Variants in KLHL29 observed in about 807,000 individuals in gnomAD.
KLHL29 encodes kelch-like protein 29.
A neutral mutation model predicts 80.4 loss-of-function variants in KLHL29; 21 were observed. The observed-to-expected ratio is 0.26, with a 90% CI of 0.19 to 0.38. KLHL29 has a LOEUF of 0.38. Among genes scored for constraint, KLHL29 ranks in the 10% least tolerant of loss-of-function variants. The pLI, the probability that KLHL29 is intolerant of heterozygous loss-of-function variation, is 1.00. For missense variants in KLHL29, 867 were observed against 1,223.9 expected (o/e 0.71, Z 4.35); for synonymous variants, 511 against 526.8 (o/e 0.97, Z 0.41).
intron 5 of KLHL29, among the ~76,000 whole-genome samples, chr2:23,683,346 C>T (rs1196781450): frequency 2.0e-5 from 3 of 152,226 alleles, no homozygotes; most frequent in African/African-American, 7.2e-5. Flanking sequence ...CTCTGACGCG[C>T]AGCTGCCAGC....
At chr2:23,534,052 A>G (rs1190062153) in intron 2 of KLHL29, among the ~76,000 whole-genome samples, 1 of 152,066 alleles carries the variant, frequency 6.6e-6, no homozygotes, top group East Asian at 1.9e-4. Flanking sequence ...GGACCCGCCA[A>G]TAGTTGAAAG....
At chr2:23,630,402 A>G (rs1049502045) in intron 3 of KLHL29, among the ~76,000 whole-genome samples, 5 of 152,348 alleles carry the variant, frequency 3.3e-5, no homozygotes, top group African/African-American at 1.2e-4. Context: ...CATTCCTGCC[A>G]TCCCAGAGCA....
intron 1 of KLHL29, among the ~76,000 whole-genome samples, chr2:23,399,042 C>T (rs1666525814): frequency 6.6e-6 from 1 of 152,160 alleles, no homozygotes; most frequent in Admixed American, 6.5e-5. Context: ...ATTATGGAGG[C>T]CATGGAGCGC....
At chr2:23,495,567 G>A (rs866109173) in intron 2 of KLHL29, among the ~76,000 whole-genome samples, 2 of 152,126 alleles carry the variant, frequency 1.3e-5, no homozygotes, top group Non-Finnish European at 2.9e-5. Context: ...CCTGGGACTC[G>A]GGACATTCTC....
chr2:23,452,686 C>T (rs1348781224), intron 1 of KLHL29, among the ~76,000 whole-genome samples: 2 of 152,206 alleles, frequency 1.3e-5, no homozygotes, highest in Admixed American at 1.3e-4. Context: ...CTAGAAGTAT[C>T]TCTTATATAC....
intron 2 of KLHL29, among the ~76,000 whole-genome samples, chr2:23,505,532 C>G (rs2103457875): frequency 6.6e-6 from 1 of 152,328 alleles, no homozygotes; most frequent in East Asian, 1.9e-4. Flanking sequence ...AAGGTGGACT[C>G]TGGTTAGGTT....
intron 1 of KLHL29, among the ~76,000 whole-genome samples, chr2:23,404,374 T>C (rs1666674822): frequency 6.6e-6 from 1 of 152,230 alleles, no homozygotes; most frequent in South Asian, 2.1e-4. Context: ...CTTGCATTGC[T>C]AAGTTAGACA....
In KLHL29 at chr2:23,697,242, G is replaced by C. The variant is rs940332585; in HGVS notation, c.2105+729G>C. The C allele has an allele frequency of 8.3e-4, 127 of 152,352 alleles. 1 individual carries two copies. The highest frequency in any genetic ancestry group is 3.0e-3 in the African/African-American group (124 of 41,572). 9.4% of individuals were successfully genotyped at this position (152,352 alleles called of 1,614,324 possible). On this transcript the variant is annotated intron_variant, in intron 11 of 13. Transcript: ENST00000486442. ...GGCGTGGGCTGAAGTGGGTGCTTCCGGATGAGAATACAAAATCCTTTTCCC... is the reference window on the plus strand; with the variant it reads ...GGCGTGGGCTGAAGTGGGTGCTTCCCGATGAGAATACAAAATCCTTTTCCC...
chr2:23,641,619 C>T (rs151079361), intron 4 of KLHL29, among the ~76,000 whole-genome samples: 40 of 152,358 alleles, frequency 2.6e-4, no homozygotes, highest in African/African-American at 8.9e-4. Flanking sequence ...ACATCTTCCT[C>T]ATTCTGTTCT....
intron 5 of KLHL29, among the ~76,000 whole-genome samples, chr2:23,658,854 C>G (rs1254514485): frequency 6.6e-6 from 1 of 152,218 alleles, no homozygotes; most frequent in Admixed American, 6.5e-5. Flanking sequence ...GGAACCAGGT[C>G]TCCTCAGGAG....
At chr2:23,699,206 G>T (rs1672200013) in intron 11 of KLHL29, among the ~76,000 whole-genome samples, 1 of 152,190 alleles carries the variant, frequency 6.6e-6, no homozygotes, top group Non-Finnish European at 1.5e-5. Flanking sequence ...TGGGCTCTGG[G>T]CTGTGACTGA....
chr2:23,636,452 A>G lies in KLHL29; in HGVS notation c.286-2687A>G, dbSNP rs968917273. The stretch of plus-strand genomic sequence containing the variant: ...ACCACAGAGCTGCTTTCTTATACAT[A>G]AGAAATTGCTTGTAGTATTCATGAA... On this transcript the variant is annotated intron_variant, in intron 3 of 13. Transcript: ENST00000486442. 7.9e-5 allele frequency among the ~76,000 whole-genome samples: 12 copies of G among 151,960 alleles called. No homozygotes were observed. The South Asian group carries it at 2.3e-3, about 29-fold the overall frequency.
At chr2:23,602,399 C>A (rs1668594809) in intron 3 of KLHL29, among the ~76,000 whole-genome samples, 1 of 152,168 alleles carries the variant, frequency 6.6e-6, no homozygotes, top group Non-Finnish European at 1.5e-5. Flanking sequence ...GACATTCTGT[C>A]CTGGTCGGCC....
intron 2 of KLHL29, among the ~76,000 whole-genome samples, chr2:23,527,311 A>G (rs1666356852): frequency 1.3e-5 from 2 of 152,132 alleles, no homozygotes; most frequent in African/African-American, 4.8e-5. Flanking sequence ...CCCCTCCCTC[A>G]GAATCACGCC....
rs140234442 is a variant in KLHL29, at chr2:23,681,993, T to G, written c.941-2406T>G. Among the ~76,000 whole-genome samples, 57 of 152,092 alleles carry G rather than the reference T, an allele frequency of 3.7e-4. 4 individuals carry two copies. The East Asian group carries it at 0.01, about 28-fold the overall frequency. On this transcript the variant is annotated intron_variant, in intron 5 of 13. Coordinates refer to ENST00000486442, the MANE Select transcript of KLHL29 (RefSeq NM_052920.2). The surrounding 1 kb of genome is among the most constrained non-coding windows in gnomAD (Gnocchi z 4.2). The stretch of plus-strand genomic sequence containing the variant: ...CTAGCCCAGGCCTCTATCCACCGCC[T>G]CCTACCCCATCCCCCAGGTGTCCCA...
At position 23,631,103 on chromosome 2, in the gene KLHL29, G is replaced by A. The variant is rs369286397; in HGVS notation, c.286-8036G>A. Among the ~76,000 whole-genome samples the A allele has an allele frequency of 3.3e-4, 50 of 152,276 alleles. 1 individual carries two copies. The East Asian group carries it at 8.9e-3, about 27-fold the overall frequency. Reference sequence around the variant, plus strand: ...AGGGCAAGGACAGGGCCAGGCCTGGGGCCCAGACGGGTTCTGCAGTTGTAG... The same window carrying A: ...AGGGCAAGGACAGGGCCAGGCCTGGAGCCCAGACGGGTTCTGCAGTTGTAG... On this transcript the variant is annotated intron_variant, in intron 3 of 13. Transcript: ENST00000486442.
chr2:23,515,956 G>A (rs763371582), intron 2 of KLHL29, among the ~76,000 whole-genome samples: 5 of 152,162 alleles, frequency 3.3e-5, no homozygotes, highest in African/African-American at 9.7e-5. Context: ...GACTAGTCAC[G>A]CATGCTTTAT....
chr2:23,605,239 G>A (rs955588304), intron 3 of KLHL29, among the ~76,000 whole-genome samples: 3 of 150,130 alleles, frequency 2.0e-5, no homozygotes, highest in African/African-American at 7.4e-5. Flanking sequence ...AGCCTCCTGA[G>A]TAGCTGGGAC....
At chr2:23,590,548 G>A (rs368967469) in intron 3 of KLHL29, among the ~76,000 whole-genome samples, 20 of 152,318 alleles carry the variant, frequency 1.3e-4, no homozygotes, top group African/African-American at 4.6e-4. Flanking sequence ...TCAGGCCACA[G>A]ACGCCATGCC....
Sources: gnomAD v4.1 joint callset for allele counts (sites outside exome capture counted in the v4.1 genomes callset) on GRCh38, gnomAD v4.1.1 for gene constraint, Gnocchi (gnomAD v3.1) non-coding constraint, MANE v1.5 for transcripts, NCBI Gene and HGNC (gene_info 2026-07-23, HGNC 2026-07-21) for gene names.